The following NRXN1 variants were observed in gnomAD, a reference collection of about 807,000 sequenced individuals.
NRXN1 encodes the protein neurexin 1, also known as neurexin-1.
Under a neutral mutation model 150.9 loss-of-function variants are expected in NRXN1, and 39 were observed. The observed-to-expected ratio is 0.26, with a 90% CI of 0.20 to 0.34. The LOEUF is 0.34. Ranked by LOEUF, NRXN1 falls within the 10% of genes least tolerant of loss-of-function variation. The probability of loss-of-function intolerance (pLI) is 1.00; values close to 1 mark genes in which losing one functional copy is unlikely to be tolerated. For synonymous variants in NRXN1, 924 were observed against 757.0 expected (o/e 1.22, Z -3.62); for missense variants, 1,815 against 1,949.9 (o/e 0.93, Z 1.30).
intron 2 of NRXN1, among the ~76,000 whole-genome samples, chr2:51,001,217 T>C (rs969980448): frequency 3.0e-5 from 2 of 66,148 alleles, no homozygotes; most frequent in Non-Finnish European, 5.3e-5. Flanking sequence ...ATACGTACAA[T>C]GGTAGATTCA....
intron 21 of NRXN1, among the ~76,000 whole-genome samples, chr2:50,031,321 A>T (rs1033784159): frequency 6.6e-6 from 1 of 152,018 alleles, no homozygotes; most frequent in African/African-American, 2.4e-5. Context: ...ACATCCTTCT[A>T]ATCAAGCATG....
intron 8 of NRXN1, among the ~76,000 whole-genome samples, chr2:50,563,581 A>G (rs1411639262): frequency 2.0e-5 from 3 of 152,156 alleles, no homozygotes; most frequent in African/African-American, 7.2e-5. Context: ...CTCCACTTTA[A>G]TGGTGGCTCT....
chr2:50,401,384 C>T (rs969016120), intron 17 of NRXN1, among the ~76,000 whole-genome samples: 6 of 152,090 alleles, frequency 3.9e-5, no homozygotes, highest in Non-Finnish European at 8.8e-5. Context: ...GGAGATGTTC[C>T]AGTCTCTCCC....
In NRXN1 at chr2:50,107,767, G is replaced by A. The variant is rs566033697; in HGVS notation, c.3547-16273C>T. Reference sequence around the variant, plus strand: ...GTCTCAGTTAATAATAATGTTGATAGTAATACTAATAAGTTCTAATTATCA... The same window carrying A: ...GTCTCAGTTAATAATAATGTTGATAATAATACTAATAAGTTCTAATTATCA... On this transcript the variant is annotated intron_variant, in intron 18 of 22. Coordinates refer to ENST00000401669, the MANE Select transcript of NRXN1 (RefSeq NM_001330078.2). 1.9e-4 allele frequency among the ~76,000 whole-genome samples: 29 copies of A among 151,882 alleles called. 1 individual carries two copies. The South Asian group carries it at 6.0e-3, about 31-fold the overall frequency.
chr2:50,317,729 T>G (rs2075727233), intron 17 of NRXN1, among the ~76,000 whole-genome samples: 1 of 152,008 alleles, frequency 6.6e-6, no homozygotes, highest in Non-Finnish European at 1.5e-5. Context: ...AGCCTTACTT[T>G]GTAAAAATAT....
At chr2:50,292,644 G>A (rs967105916) in intron 17 of NRXN1, among the ~76,000 whole-genome samples, 1 of 152,158 alleles carries the variant, frequency 6.6e-6, no homozygotes, top group African/African-American at 2.4e-5. Flanking sequence ...GCAACATATA[G>A]CTGAAAAGTA....
intron 17 of NRXN1, among the ~76,000 whole-genome samples, chr2:50,433,688 G>T (rs1384064484): frequency 2.6e-5 from 4 of 151,074 alleles, no homozygotes; most frequent in Non-Finnish European, 5.9e-5. Flanking sequence ...GAAAGAAGAA[G>T]GGAGTGAGAA....
intron 18 of NRXN1, among the ~76,000 whole-genome samples, chr2:50,177,322 C>T (rs952803431): frequency 1.3e-5 from 2 of 152,026 alleles, no homozygotes; most frequent in Non-Finnish European, 2.9e-5. Flanking sequence ...TAAAAGGTTT[C>T]ATGCACGTTA....
rs561909293 is a variant in NRXN1, at chr2:50,226,281, A to G, written c.3546+10508T>C. On this transcript the variant is annotated intron_variant, in intron 18 of 22. Transcript: ENST00000401669. ...TTGCTTTTATAAAAGCCACACTTGT[A>G]GACTGCTTCATAGTTTAAAAACTTT... Among the ~76,000 whole-genome samples the G allele has an allele frequency of 2.0e-5, 3 of 152,138 alleles. No homozygotes were observed. In the South Asian group the frequency reaches 6.2e-4, roughly 32 times the overall value.
In NRXN1 at chr2:50,253,798, G is replaced by A. The variant is rs539681575; in HGVS notation, c.3365-16828C>T. Among the ~76,000 whole-genome samples, 3 of 152,124 alleles carry A rather than the reference G, an allele frequency of 2.0e-5. No homozygotes were observed. The South Asian group carries it at 6.2e-4, about 32-fold the overall frequency. Reference sequence around the variant, plus strand: ...TGGTGGATAAGCTTTTTGATGTGCTGCTGCCTTTGGTTTGCCAGTATTTTA... The same window carrying A: ...TGGTGGATAAGCTTTTTGATGTGCTACTGCCTTTGGTTTGCCAGTATTTTA... On this transcript the variant is annotated intron_variant, in intron 17 of 22. Coordinates refer to ENST00000401669, the MANE Select transcript of NRXN1 (RefSeq NM_001330078.2).
intron 17 of NRXN1, among the ~76,000 whole-genome samples, chr2:50,459,439 T>C (rs900180923): frequency 6.6e-6 from 1 of 152,130 alleles, no homozygotes; most frequent in Non-Finnish European, 1.5e-5. Context: ...CCAATAATTA[T>C]TTTTTCTGCT....
rs140389007 is a variant in NRXN1, at chr2:50,097,451, G to A, written c.3547-5957C>T. On this transcript the variant is annotated intron_variant, in intron 18 of 22. Coordinates refer to ENST00000401669, the MANE Select transcript of NRXN1 (RefSeq NM_001330078.2). ...CATTGTTGATTGAAACCAGAGTTGG[G>A]TGAATGGAATGTTTTGCTTCTCCAG... Among the ~76,000 whole-genome samples the A allele has an allele frequency of 4.1e-4, 63 of 152,254 alleles. 2 individuals are homozygous for A. Among genetic ancestry groups the A allele is most frequent in the African/African-American group, 1.4e-3 (59 of 41,560 alleles).
intron 5 of NRXN1, among the ~76,000 whole-genome samples, chr2:50,696,017 A>G (rs930356531): frequency 2.0e-5 from 3 of 151,754 alleles, no homozygotes; most frequent in African/African-American, 4.8e-5. Context: ...TAATTTTTGT[A>G]TTTTTAGCAG....
intron 21 of NRXN1, among the ~76,000 whole-genome samples, chr2:49,955,701 T>C (rs1233788056): frequency 2.6e-5 from 4 of 152,066 alleles, no homozygotes; most frequent in African/African-American, 9.6e-5. Flanking sequence ...ATGCTTTTAC[T>C]TAGTTGCAAA....
At chr2:50,368,522 T>C (rs930815505) in intron 17 of NRXN1, among the ~76,000 whole-genome samples, 4 of 151,962 alleles carry the variant, frequency 2.6e-5, no homozygotes, top group Admixed American at 6.6e-5. Context: ...GTAATAATCA[T>C]TTTTCTGAAC....
At chr2:50,808,475 C>CAA (rs200850600) in intron 5 of NRXN1, among the ~76,000 whole-genome samples, 2 of 147,536 alleles carry the variant, frequency 1.4e-5, no homozygotes, top group Admixed American at 1.3e-4. Flanking sequence ...TACTGAAATG[C>CAA]AAAAAAAAAG....
chr2:50,742,041 A>G (rs1262370600), intron 5 of NRXN1, among the ~76,000 whole-genome samples: 1 of 152,164 alleles, frequency 6.6e-6, no homozygotes, highest in East Asian at 1.9e-4. Flanking sequence ...AAATAATTAA[A>G]AAGGAAAAGA....
In NRXN1 at chr2:50,152,433, T is replaced by C. The variant is rs538797731; in HGVS notation, c.3547-60939A>G. Among the ~76,000 whole-genome samples the C allele has an allele frequency of 2.6e-5, 4 of 151,822 alleles. No individual in the cohort carries two copies. In the South Asian group the frequency reaches 8.3e-4, roughly 32 times the overall value. ...TTGTATGTATACAGTAGTCCCTCCT[T>C]AACCACAGGGAATATGTTCCAAGGC... On this transcript the variant is annotated intron_variant, in intron 18 of 22. Coordinates refer to ENST00000401669, the MANE Select transcript of NRXN1 (RefSeq NM_001330078.2).
At chr2:50,643,519 CT>C (rs1346472326) in intron 5 of NRXN1, among the ~76,000 whole-genome samples, 1 of 151,822 alleles carries the variant, frequency 6.6e-6, no homozygotes, top group East Asian at 1.9e-4. Flanking sequence ...TTTATAAAGA[CT>C]TTTTCTCTCT....
Sources: gnomAD v4.1 joint callset for allele counts (sites outside exome capture counted in the v4.1 genomes callset) on GRCh38, gnomAD v4.1.1 for gene constraint, MANE v1.5 for transcripts, NCBI Gene and HGNC (gene_info 2026-07-23, HGNC 2026-07-21) for gene names.